RFC1: variants seen among roughly 807,000 people sequenced by gnomAD.
RFC1 encodes the protein A1 140 kDa subunit.
A neutral mutation model predicts 137.4 loss-of-function variants in RFC1; 37 were observed. That is an observed-to-expected ratio of 0.27 (90% CI 0.21 to 0.35). The LOEUF (loss-of-function observed/expected upper bound fraction) is 0.35. RFC1 is among the 10% of genes least tolerant of loss of function. The pLI is 1.00. For synonymous variants in RFC1, 429 were observed against 455.7 expected, an observed-to-expected ratio of 0.94 and a Z score of 0.75; for missense variants, 1,205 against 1,358.5, an observed-to-expected ratio of 0.89 and a Z score of 1.78.
intron 21 of RFC1, among the ~76,000 whole-genome samples, chr4:39,298,581 G>C (rs747103390): frequency 6.6e-6 from 1 of 152,076 alleles, no homozygotes; most frequent in South Asian, 2.1e-4. Flanking sequence ...TTTTTAGCAA[G>C]GAAGAAAATC....
chr4:39,295,501 T>C, intron 22 of RFC1, 113 bp downstream of exon 22: 1 of 828,468 alleles, frequency 1.2e-6, no homozygotes, highest in East Asian at 2.6e-5. Context: ...TTCATCTAGT[T>C]ACCAATAAAA....
rs1185037819 is a variant in RFC1, at chr4:39,300,489, A to C, written c.2536-75T>G. 3.7e-6 allele frequency: 4 copies of C among 1,073,402 alleles called. No homozygotes were observed. In the African/African-American group the frequency reaches 6.2e-5, roughly 17 times the overall value. 66.5% of individuals were successfully genotyped at this position (1,073,402 alleles called of 1,614,324 possible). A position where few individuals can be genotyped will look rare whatever the true frequency, so the allele number is the denominator to read the frequency against. ...GTAACATCACCAAATGCTAACGAGGATATGGAACAAGAGGAATTCCATTCA... is the reference window on the plus strand; with the variant it reads ...GTAACATCACCAAATGCTAACGAGGCTATGGAACAAGAGGAATTCCATTCA... On this transcript the variant is annotated intron_variant, in intron 19 of 24. Coordinates refer to ENST00000349703, the MANE Select transcript of RFC1 (RefSeq NM_002913.5).
At chr4:39,330,922 C>CATAT (rs537709146) in intron 4 of RFC1, among the ~76,000 whole-genome samples, 3 of 151,418 alleles carry the variant, frequency 2.0e-5, no homozygotes, top group Admixed American at 6.6e-5. Flanking sequence ...CACACACACA[C>CATAT]ATATATATAT....
intron 1 of RFC1, among the ~76,000 whole-genome samples, chr4:39,353,987 T>C (rs1454456504): frequency 1.3e-5 from 2 of 152,208 alleles, no homozygotes; most frequent in African/African-American, 4.8e-5. Flanking sequence ...TGTCTGGTTT[T>C]TGTCTGTACA....
Position 39,366,284 on chromosome 4 carries a change from C to A in RFC1, c.-43G>T. The A allele has an allele frequency of 6.6e-7, 1 of 1,519,128 alleles. No homozygotes were observed. The highest frequency in any genetic ancestry group is 8.8e-7 in the Non-Finnish European group (1 of 1,132,478). The allele number at this position is 1,519,128 out of a possible 1,614,324, so 94.1% of individuals were successfully genotyped here. A position where few individuals can be genotyped will look rare whatever the true frequency, so the allele number is the denominator to read the frequency against. ...GGCGCTGGCTGGCTGGCGGGTGGGC[C>A]GGTTGAGGAATCTGTTATCGAGGCT... On this transcript the variant is annotated 5_prime_UTR_variant, in exon 1 of 25. Coordinates refer to ENST00000349703, the MANE Select transcript of RFC1 (RefSeq NM_002913.5).
In RFC1 at chr4:39,312,921, T is replaced by C; in HGVS notation, c.1214A>G (p.Asn405Ser). The C allele has an allele frequency of 6.2e-7, 1 of 1,602,232 alleles. No homozygotes were observed. Among genetic ancestry groups the C allele is most frequent in the Non-Finnish European group, 8.5e-7 (1 of 1,173,130 alleles). Residue 405 changes from asparagine to serine, a missense_variant, in exon 11 of 25, where the codon AAT (asparagine) becomes AGT (serine). By Grantham distance (46) the Asn-to-Ser change is conservative. This residue lies in a region of RFC1 where 962 missense variants were observed against 1,035.3 expected (regional missense o/e 0.93). Transcript: ENST00000349703. ...GSKEIPKGAE[N>S]CLEGLIFVIT... ...TACAAATATAAGGCCTTCCAAGCAA[T>C]TTTCAGCTCCCTAAAAACCAAAATG... is the stretch of plus-strand genomic sequence containing the variant.
At chr4:39,358,851 A>G (rs1741609703) in intron 1 of RFC1, among the ~76,000 whole-genome samples, 1 of 152,166 alleles carries the variant, frequency 6.6e-6, no homozygotes. Flanking sequence ...TGTGCGAACT[A>G]ACTCACACCT....
chr4:39,298,998 C>T (rs1291362049), intron 21 of RFC1, among the ~76,000 whole-genome samples: 1 of 152,174 alleles, frequency 6.6e-6, no homozygotes, highest in Non-Finnish European at 1.5e-5. Flanking sequence ...GTGACATGTT[C>T]ATGATGGCCC....
chr4:39,307,652 G>A (rs1738746804), intron 13 of RFC1, among the ~76,000 whole-genome samples: 2 of 151,902 alleles, frequency 1.3e-5, no homozygotes, highest in Admixed American at 6.6e-5. Flanking sequence ...GGAAGCAGAG[G>A]TTGCAGTGAG....
intron 1 of RFC1, among the ~76,000 whole-genome samples, chr4:39,360,531 AAATAAAATAAAATAAAATAAAATAAATAC>A (rs1288261179): frequency 2.0e-5 from 3 of 149,798 alleles, no homozygotes; most frequent in African/African-American, 7.3e-5. Context: ...AAATAAAATA[AAATAAAATAAAATAAAATAAAATAAATAC>A]AATAAAATAA....
At chr4:39,294,162 A>G (rs1283123808) in intron 22 of RFC1, among the ~76,000 whole-genome samples, 1 of 152,250 alleles carries the variant, frequency 6.6e-6, no homozygotes, top group African/African-American at 2.4e-5. Context: ...TTCTTACAAC[A>G]GCAACAGAAA....
intron 22 of RFC1, among the ~76,000 whole-genome samples, chr4:39,293,060 G>A (rs1737777927): frequency 6.6e-6 from 1 of 152,158 alleles, no homozygotes; most frequent in Admixed American, 6.6e-5. Context: ...AACTGAATGT[G>A]TGAACCATAA....
At chr4:39,309,700 G>T (rs1009240881) in intron 12 of RFC1, among the ~76,000 whole-genome samples, 8 of 152,196 alleles carry the variant, frequency 5.3e-5, no homozygotes, top group African/African-American at 1.9e-4. Flanking sequence ...TAGGTACAGG[G>T]TTTCTTTTCA....
chr4:39,354,696 T>A (rs570355846), intron 1 of RFC1, among the ~76,000 whole-genome samples: 2 of 142,642 alleles, frequency 1.4e-5, no homozygotes, highest in African/African-American at 5.4e-5. Flanking sequence ...GACAAGAGGA[T>A]TGCTTGAACC....
rs372275301 is a variant in RFC1 at position 39,300,025 on chromosome 4, G to A, written c.2804C>T (p.Ala935Val). ...TAGGGAGAGCCCTCTGCTCACCTGCGCAGGCAGAAGACTCCAGTTTTGCTT... is the reference window on the plus strand; with the variant it reads ...TAGGGAGAGCCCTCTGCTCACCTGCACAGGCAGAAGACTCCAGTTTTGCTT... ...RSKQNWSLLP[A>V]QAIYASVLPG... Residue 935 changes from alanine to valine, a missense_variant, in exon 21 of 25, where the codon GCG (alanine) becomes GTG (valine). Physicochemically the swap from Ala to Val is moderately conservative, Grantham distance 64. This residue lies in a region of RFC1 where 237 missense variants were observed against 304.2 expected (regional missense o/e 0.78). Coordinates refer to ENST00000349703, the MANE Select transcript of RFC1 (RefSeq NM_002913.5). 3.9e-5 allele frequency: 63 copies of A among 1,604,264 alleles called. 1 individual carries two copies. The highest frequency in any genetic ancestry group is 1.2e-4 in the African/African-American group (9 of 74,752).
intron 8 of RFC1, 126 bp from the exon 9 acceptor site, chr4:39,320,795 T>C: frequency 1.3e-6 from 1 of 774,124 alleles, no homozygotes; most frequent in East Asian, 3.0e-5. Context: ...AGTCCTAAAG[T>C]GTCAAGACCA....
intron 4 of RFC1, among the ~76,000 whole-genome samples, chr4:39,337,438 G>A (rs1381526658): frequency 3.1e-5 from 1 of 32,518 alleles, no homozygotes; most frequent in Non-Finnish European, 5.3e-5. Flanking sequence ...TCAAATAAGT[G>A]TGTGTGTGTG....
At chr4:39,338,585 A>C (rs1439279390) in intron 4 of RFC1, among the ~76,000 whole-genome samples, 1 of 152,234 alleles carries the variant, frequency 6.6e-6, no homozygotes, top group African/African-American at 2.4e-5. Context: ...AAAAATTAAC[A>C]AGGTAGTTTA....
At chr4:39,321,204 G>T in intron 8 of RFC1, 83 bp downstream of exon 8, 2 of 1,049,148 alleles carry the variant, frequency 1.9e-6, no homozygotes, top group Non-Finnish European at 1.5e-6. Flanking sequence ...CATAATTACT[G>T]AATAGGATAC....
Sources: gnomAD v4.1 joint callset for allele counts (sites outside exome capture counted in the v4.1 genomes callset) on GRCh38, gnomAD v4.1.1 for gene constraint, gnomAD v4.1.1 regional missense constraint, MANE v1.5 for transcripts, NCBI Gene and HGNC (gene_info 2026-07-23, HGNC 2026-07-21) for gene names.